Variants in SYNPR observed in about 807,000 individuals in gnomAD.
SYNPR encodes the protein synaptoporin.
A neutral mutation model predicts 32.9 loss-of-function variants in SYNPR; 23 were observed. That is an observed-to-expected ratio of 0.70 (90% CI 0.50 to 0.99). SYNPR has a LOEUF of 0.99. Among genes scored for constraint, SYNPR ranks in the 50% least tolerant of loss-of-function variants. The pLI is 0.00. For missense variants in SYNPR, 318 were observed against 349.3 expected, an observed-to-expected ratio of 0.91 and a Z score of 0.71; for synonymous variants, 146 against 135.9, an observed-to-expected ratio of 1.07 and a Z score of -0.52.
At chr3:63,214,348 T>A in the SYNPR span, among the ~76,000 whole-genome samples, 2 of 39,694 alleles carry the variant, frequency 5.0e-5, no homozygotes, top group African/African-American at 1.7e-4. Flanking sequence ...TGGACTCTTT[T>A]TGGTTGGTAA....
At chr3:63,533,771 A>G (rs900888935) in intron 3 of SYNPR, among the ~76,000 whole-genome samples, 1 of 152,154 alleles carries the variant, frequency 6.6e-6, no homozygotes, top group Non-Finnish European at 1.5e-5. Flanking sequence ...CTAGAAAAAG[A>G]GCCTTGTTGG....
chr3:63,454,422 C>T (rs1006299206), intron 2 of SYNPR, among the ~76,000 whole-genome samples: 4 of 152,118 alleles, frequency 2.6e-5, no homozygotes, highest in Non-Finnish European at 4.4e-5. Context: ...TTCTGCTTCC[C>T]AGAGAATGTG....
chr3:63,299,717 A>G (rs1187374599), intron 2 of SYNPR, among the ~76,000 whole-genome samples: 1 of 152,190 alleles, frequency 6.6e-6, no homozygotes, highest in Non-Finnish European at 1.5e-5. Context: ...GATATTAACC[A>G]AATGACATTG....
chr3:63,460,187 G>A (rs1341043647), intron 2 of SYNPR, among the ~76,000 whole-genome samples: 2 of 152,016 alleles, frequency 1.3e-5, no homozygotes, highest in East Asian at 3.9e-4. Context: ...CATATCCTTA[G>A]CAGATCCATA....
intron 2 of SYNPR, among the ~76,000 whole-genome samples, chr3:63,479,306 A>G (rs1029261255): frequency 2.6e-5 from 4 of 152,214 alleles, no homozygotes; most frequent in African/African-American, 7.2e-5. Context: ...GAGCTTACGC[A>G]GTGCCAGGAC....
At chr3:63,510,402 T>C (rs1483699009) in intron 3 of SYNPR, among the ~76,000 whole-genome samples, 1 of 152,196 alleles carries the variant, frequency 6.6e-6, no homozygotes, top group East Asian at 1.9e-4. Context: ...CATAGATGAC[T>C]GAACTTGACT....
chr3:63,395,342 A>T (rs2088197521), intron 2 of SYNPR, among the ~76,000 whole-genome samples: 1 of 152,214 alleles, frequency 6.6e-6, no homozygotes, highest in Non-Finnish European at 1.5e-5. Flanking sequence ...ATGTGAATTT[A>T]TCCTACTGAT....
intron 2 of SYNPR, among the ~76,000 whole-genome samples, chr3:63,299,089 GAATAAATCTA>G (rs2086818540): frequency 6.6e-6 from 1 of 152,088 alleles, no homozygotes; most frequent in African/African-American, 2.4e-5. Flanking sequence ...TAAAAAAATA[GAATAAATCTA>G]TTCTGACCCT....
At chr3:63,476,215 AGGG>A (rs1700911465) in intron 2 of SYNPR, among the ~76,000 whole-genome samples, 1 of 66,212 alleles carries the variant, frequency 1.5e-5, no homozygotes, top group Non-Finnish European at 2.9e-5. Context: ...GGAAGGAAGG[AGGG>A]AAGGGAAGGG....
chr3:63,232,755 T>A (rs1166349617), intron 1 of SYNPR, among the ~76,000 whole-genome samples: 1 of 152,140 alleles, frequency 6.6e-6, no homozygotes, highest in African/African-American at 2.4e-5. Context: ...CATCCTATAA[T>A]TGCTGTCATC....
At chr3:63,408,338 A>C (rs1177629516) in intron 2 of SYNPR, among the ~76,000 whole-genome samples, 3 of 142,860 alleles carry the variant, frequency 2.1e-5, no homozygotes, top group African/African-American at 5.6e-5. Context: ...GAAAGAAAGA[A>C]AGAAAGAAAG....
intron 4 of SYNPR, among the ~76,000 whole-genome samples, chr3:63,566,656 G>T (rs1387942941): frequency 6.6e-6 from 1 of 152,122 alleles, no homozygotes; most frequent in Admixed American, 6.5e-5. Flanking sequence ...GACTGCCTGG[G>T]CCCAAATCTC....
At chr3:63,342,129 A>G (rs910523888) in intron 2 of SYNPR, among the ~76,000 whole-genome samples, 13 of 152,198 alleles carry the variant, frequency 8.5e-5, no homozygotes, top group African/African-American at 3.1e-4. Context: ...GTCTTCCTCC[A>G]TTGAATTGTC....
chr3:63,544,158 C>T (rs1462560551), intron 3 of SYNPR, among the ~76,000 whole-genome samples: 1 of 152,052 alleles, frequency 6.6e-6, no homozygotes, highest in East Asian at 1.9e-4. Context: ...TCTTACATGT[C>T]ATGTTACAAA....
In SYNPR at chr3:63,584,027, G is replaced by A. The variant is rs182902273; in HGVS notation, c.409-25098G>A. On this transcript the variant is annotated intron_variant, in intron 4 of 5. Transcript: ENST00000478300. ...GTGATAGAGGAGAAAGAAAAATACT[G>A]GCCTTTTGGAGTGAGGGCTGGAATA... Among the ~76,000 whole-genome samples, 8 of 152,136 alleles carry A rather than the reference G, an allele frequency of 5.3e-5. No homozygotes were observed. In the East Asian group the frequency reaches 1.2e-3, roughly 22 times the overall value.
chr3:63,524,824 A>AGT (rs138062730), intron 3 of SYNPR, among the ~76,000 whole-genome samples: 1,479 of 129,326 alleles, frequency 0.011, 16 homozygotes, highest in South Asian at 0.025. Flanking sequence ...TCATAATAGA[A>AGT]GTGTGTGTGT....
At chr3:63,415,520 T>C (rs2088528832) in intron 2 of SYNPR, among the ~76,000 whole-genome samples, 1 of 152,078 alleles carries the variant, frequency 6.6e-6, no homozygotes, top group Admixed American at 6.5e-5. Context: ...TGGTAGTAAA[T>C]GTATTAGGCT....
chr3:63,423,044 C>CA (rs1699827387), intron 2 of SYNPR, among the ~76,000 whole-genome samples: 2 of 152,072 alleles, frequency 1.3e-5, no homozygotes, highest in Admixed American at 1.3e-4. Flanking sequence ...ATCGATTGTT[C>CA]ATTATGATAA....
chr3:63,587,935 A>C (rs1703220144), intron 4 of SYNPR, among the ~76,000 whole-genome samples: 1 of 152,046 alleles, frequency 6.6e-6, no homozygotes, highest in South Asian at 2.1e-4. Flanking sequence ...AAAATTTCCC[A>C]GTGTGGTTGT....
Sources: gnomAD v4.1 joint callset for allele counts (sites outside exome capture counted in the v4.1 genomes callset) on GRCh38, gnomAD v4.1.1 for gene constraint, MANE v1.5 for transcripts, NCBI Gene and HGNC (gene_info 2026-07-23, HGNC 2026-07-21) for gene names.